Variants in ITGA9 observed in about 807,000 individuals in gnomAD.
ITGA9 encodes the protein integrin subunit alpha 9.
ITGA9 carries 56 observed loss-of-function variants against 127.8 expected under a neutral mutation model. That is an observed-to-expected ratio of 0.44 (90% confidence interval 0.35 to 0.55). The LOEUF (loss-of-function observed/expected upper bound fraction) is 0.55. Among genes scored for constraint, ITGA9 ranks in the 20% least tolerant of loss-of-function variants. ITGA9 has a pLI of 0.00. For synonymous variants in ITGA9, 508 were observed against 514.5 expected, an observed-to-expected ratio of 0.99 and a Z score of 0.17; for missense variants, 1,196 against 1,347.1, an observed-to-expected ratio of 0.89 and a Z score of 1.76.
intron 26 of ITGA9, among the ~76,000 whole-genome samples, chr3:37,786,676 GT>G (rs1697046113): frequency 6.6e-6 from 1 of 152,106 alleles, no homozygotes; most frequent in Non-Finnish European, 1.5e-5. Flanking sequence ...AGTCCTGTCC[GT>G]TTTTGGTGAG....
chr3:37,613,995 G>T (rs1245226013), intron 15 of ITGA9, among the ~76,000 whole-genome samples: 10 of 152,224 alleles, frequency 6.6e-5, no homozygotes, highest in East Asian at 3.9e-4. Flanking sequence ...AATTTTGGCT[G>T]TTGTTGCCAT....
chr3:37,583,719 C>G (rs1169758961), intron 15 of ITGA9, among the ~76,000 whole-genome samples: 1 of 152,216 alleles, frequency 6.6e-6, no homozygotes, highest in Non-Finnish European at 1.5e-5. Flanking sequence ...TTCCTTGCTT[C>G]TCTACTTTTC....
At chr3:37,467,584 G>GGAA (rs1442692649) in intron 1 of ITGA9, among the ~76,000 whole-genome samples, 3 of 152,180 alleles carry the variant, frequency 2.0e-5, no homozygotes, top group African/African-American at 7.2e-5. Context: ...ACACAGTGGA[G>GGAA]GAAGAACCTG....
At chr3:37,654,611 G>A (rs1218497051) in intron 17 of ITGA9, among the ~76,000 whole-genome samples, 1 of 152,140 alleles carries the variant, frequency 6.6e-6, no homozygotes, top group African/African-American at 2.4e-5. Flanking sequence ...AATGCATAGT[G>A]TATCCCTTAC....
intron 25 of ITGA9, among the ~76,000 whole-genome samples, chr3:37,784,599 T>C (rs972691783): frequency 6.6e-5 from 10 of 152,202 alleles, no homozygotes; most frequent in Non-Finnish European, 8.8e-5. Flanking sequence ...TCAGATGCCT[T>C]CTGTGGAATG....
At chr3:37,474,037 T>C (rs1698464749) in intron 3 of ITGA9, among the ~76,000 whole-genome samples, 1 of 152,254 alleles carries the variant, frequency 6.6e-6, no homozygotes, top group African/African-American at 2.4e-5. Flanking sequence ...TTAATCCCCA[T>C]TGTACGTATC....
intron 26 of ITGA9, among the ~76,000 whole-genome samples, chr3:37,797,016 T>A (rs1191688750): frequency 6.6e-6 from 1 of 152,034 alleles, no homozygotes; most frequent in Non-Finnish European, 1.5e-5. Context: ...GCAGCTGAGG[T>A]CAGGTTAGGG....
intron 17 of ITGA9, among the ~76,000 whole-genome samples, chr3:37,678,904 T>G (rs1405434571): frequency 6.6e-6 from 1 of 152,206 alleles, no homozygotes; most frequent in Admixed American, 6.6e-5. Flanking sequence ...TTGACACAGC[T>G]GCCAAGATGT....
intron 1 of ITGA9, among the ~76,000 whole-genome samples, chr3:37,466,610 A>C (rs919302545): frequency 6.6e-6 from 1 of 152,014 alleles, no homozygotes; most frequent in African/African-American, 2.4e-5. Flanking sequence ...CCAAATGAAC[A>C]TAATTATTTG....
At chr3:37,715,567 C>T (rs1701125347) in intron 18 of ITGA9, among the ~76,000 whole-genome samples, 1 of 152,182 alleles carries the variant, frequency 6.6e-6, no homozygotes. Context: ...AGAGAAAACA[C>T]ATGGGAATGG....
rs1043828624 is a variant in ITGA9, at chr3:37,814,550, C to T, written c.3010-4341C>T. ...ACTGCACTCCAGCCTGGCAACAGAG[C>T]GAGACTCCATCCCCCACCCCCCCAA... On this transcript the variant is annotated intron_variant, in intron 27 of 27. Coordinates refer to ENST00000264741, the MANE Select transcript of ITGA9 (RefSeq NM_002207.3). This position sits in a 1 kb window ranked among gnomAD's most constrained non-coding sequence, Gnocchi z 4.3. Among the ~76,000 whole-genome samples the T allele has an allele frequency of 1.6e-4, 25 of 152,088 alleles. No homozygotes were observed. Among genetic ancestry groups the T allele is most frequent in the African/African-American group, 5.8e-4 (24 of 41,480 alleles).
chr3:37,500,594 T>C (rs1310876887), intron 5 of ITGA9, among the ~76,000 whole-genome samples: 2 of 152,202 alleles, frequency 1.3e-5, no homozygotes, highest in Non-Finnish European at 2.9e-5. Context: ...ATTTTTTTTC[T>C]TTAGGTACTT....
At chr3:37,660,521 T>C (rs759990430) in intron 17 of ITGA9, among the ~76,000 whole-genome samples, 7 of 152,208 alleles carry the variant, frequency 4.6e-5, no homozygotes, top group Non-Finnish European at 8.8e-5. Flanking sequence ...GTATAGCACC[T>C]GGTGGCTAAA....
At chr3:37,795,717 C>T (rs560137156) in intron 26 of ITGA9, among the ~76,000 whole-genome samples, 14 of 152,278 alleles carry the variant, frequency 9.2e-5, no homozygotes, top group African/African-American at 1.9e-4. Flanking sequence ...CAGCCTGCTA[C>T]GACCCTCACA....
chr3:37,697,163 A>G lies in ITGA9; in HGVS notation c.2067+13148A>G, dbSNP rs148234631. Among the ~76,000 whole-genome samples the G allele has an allele frequency of 1.9e-3, 286 of 151,840 alleles. 1 individual carries two copies. The highest frequency in any genetic ancestry group is 5.6e-3 in the South Asian group (27 of 4,782). ...TCGCTGGGCCAGAGAGTGGCTAGAG[A>G]CTCGATTGTACTCAGACTTGCTGTA... On this transcript the variant is annotated intron_variant, in intron 18 of 27. Coordinates refer to ENST00000264741, the MANE Select transcript of ITGA9 (RefSeq NM_002207.3).
At chr3:37,736,164 T>C (rs1696358788) in intron 19 of ITGA9, among the ~76,000 whole-genome samples, 2 of 152,024 alleles carry the variant, frequency 1.3e-5, no homozygotes, top group South Asian at 4.1e-4. Flanking sequence ...CTAAGTACCT[T>C]CCAAAGACCC....
chr3:37,499,426 C>A (rs1698766552), intron 5 of ITGA9, among the ~76,000 whole-genome samples: 1 of 152,240 alleles, frequency 6.6e-6, no homozygotes, highest in African/African-American at 2.4e-5. Context: ...ATAAATGCAT[C>A]TTGGGAAAAA....
chr3:37,568,903 G>A (rs1699574378), intron 15 of ITGA9, among the ~76,000 whole-genome samples: 1 of 152,096 alleles, frequency 6.6e-6, no homozygotes, highest in South Asian at 2.1e-4. Flanking sequence ...TCCAACCTCT[G>A]CCTGTTACCC....
intron 17 of ITGA9, among the ~76,000 whole-genome samples, chr3:37,680,005 C>T (rs1053564673): frequency 6.6e-6 from 1 of 152,044 alleles, no homozygotes; most frequent in South Asian, 2.1e-4. Flanking sequence ...TTTATTTCAC[C>T]TAGGCAGGGA....
Sources: allele counts gnomAD v4.1 joint callset (sites outside exome capture counted in the v4.1 genomes callset), GRCh38; gene constraint gnomAD v4.1.1; non-coding constraint Gnocchi (gnomAD v3.1); transcripts MANE v1.5; gene names NCBI Gene and HGNC (gene_info 2026-07-23, HGNC 2026-07-21).